PLPPR5: variants seen among roughly 807,000 people sequenced by gnomAD.
PLPPR5 encodes phospholipid phosphatase related 5, also known as phospholipid phosphatase-related protein type 5.
In PLPPR5, 16 loss-of-function variants were observed where a neutral mutation model predicts 33.9. That is an observed-to-expected ratio of 0.47 (90% confidence interval 0.32 to 0.72). The LOEUF is 0.72. Among genes scored for constraint, PLPPR5 ranks in the 30% least tolerant of loss-of-function variants. PLPPR5 has a pLI of 0.03. For missense variants in PLPPR5, 301 were observed against 406.7 expected, an observed-to-expected ratio of 0.74 and a Z score of 2.23; for synonymous variants, 163 against 150.3, an observed-to-expected ratio of 1.08 and a Z score of -0.62.
At chr1:99,000,323 CAT>C (rs1652786398) in intron 1 of PLPPR5, among the ~76,000 whole-genome samples, 2 of 152,304 alleles carry the variant, frequency 1.3e-5, no homozygotes, top group Admixed American at 1.3e-4. Context: ...ACTTTGATAA[CAT>C]TAGAGTACTA....
At chr1:98,918,800 T>C (rs1233603052) in intron 4 of PLPPR5, among the ~76,000 whole-genome samples, 1 of 152,222 alleles carries the variant, frequency 6.6e-6, no homozygotes, top group African/African-American at 2.4e-5. Context: ...GTGATTTCAC[T>C]TAATCCTTAA....
At chr1:98,913,688 C>A (rs1035317564) in intron 5 of PLPPR5, among the ~76,000 whole-genome samples, 9 of 152,160 alleles carry the variant, frequency 5.9e-5, no homozygotes, top group Non-Finnish European at 8.8e-5. Flanking sequence ...CAGATTTACA[C>A]AATCAGAACA....
intron 3 of PLPPR5, among the ~76,000 whole-genome samples, chr1:98,944,829 T>C (rs12122268): frequency 0.21 from 32,512 of 151,982 alleles, 3,712 homozygotes; most frequent in Middle Eastern, 0.24. Flanking sequence ...TGGGAAAACA[T>C]AGAGTCTGGA....
chr1:98,987,730 ATG>A (rs1195017558), intron 1 of PLPPR5, among the ~76,000 whole-genome samples: 2 of 151,984 alleles, frequency 1.3e-5, no homozygotes, highest in African/African-American at 4.8e-5. Context: ...CAGTGGGTTC[ATG>A]AAACTGTTAA....
intron 3 of PLPPR5, among the ~76,000 whole-genome samples, chr1:98,943,648 T>C (rs1650457127): frequency 6.6e-6 from 1 of 152,200 alleles, no homozygotes; most frequent in Admixed American, 6.5e-5. Context: ...GGGAATTTAA[T>C]TGAAATATTC....
At chr1:98,986,889 T>C (rs945820909) in intron 1 of PLPPR5, among the ~76,000 whole-genome samples, 1 of 151,814 alleles carries the variant, frequency 6.6e-6, no homozygotes, top group Non-Finnish European at 1.5e-5. Flanking sequence ...GTAATTGGCC[T>C]AGGAAACAGG....
intron 1 of PLPPR5, among the ~76,000 whole-genome samples, chr1:98,988,780 T>A (rs1652348414): frequency 6.6e-6 from 1 of 152,144 alleles, no homozygotes; most frequent in African/African-American, 2.4e-5. Flanking sequence ...AAGTTTTCCT[T>A]GCTTATGCCT....
rs531314870 is a variant in PLPPR5, at chr1:98,925,343, G to A, written c.622-3285C>T. Among the ~76,000 whole-genome samples the A allele has an allele frequency of 9.9e-5, 15 of 152,192 alleles. No individual in the cohort carries two copies. The South Asian group carries it at 1.5e-3, about 15-fold the overall frequency. ...AGGGTCAGTAGATGCTCACTATCTC[G>A]CAGGCCAATCCATTTAATCATTATT... On this transcript the variant is annotated intron_variant, in intron 3 of 5. Coordinates refer to ENST00000263177, the MANE Select transcript of PLPPR5 (RefSeq NM_001037317.2).
intron 1 of PLPPR5, among the ~76,000 whole-genome samples, chr1:98,989,613 T>C (rs1557695210): frequency 1.3e-5 from 2 of 152,238 alleles, no homozygotes; most frequent in African/African-American, 2.4e-5. Context: ...GGAACCAAAC[T>C]AAATGTAATC....
intron 1 of PLPPR5, among the ~76,000 whole-genome samples, chr1:98,989,703 T>G (rs920608043): frequency 1.3e-5 from 2 of 152,062 alleles, no homozygotes; most frequent in Non-Finnish European, 2.9e-5. Context: ...TAAGAGACAA[T>G]AGCCAAAACC....
chr1:99,000,020 A>G (rs1484377081), intron 1 of PLPPR5, among the ~76,000 whole-genome samples: 1 of 152,184 alleles, frequency 6.6e-6, no homozygotes, highest in Non-Finnish European at 1.5e-5. Flanking sequence ...AAGGAACAAT[A>G]GCTGCTAGCG....
intron 1 of PLPPR5, among the ~76,000 whole-genome samples, chr1:98,971,560 T>C (rs372687605): frequency 3.3e-5 from 5 of 152,070 alleles, no homozygotes; most frequent in East Asian, 1.9e-4. Context: ...ATCTATCCTA[T>C]CCAGCCCCTT....
chr1:98,952,264 GAAAA>G (rs34394491), intron 3 of PLPPR5, among the ~76,000 whole-genome samples: 5 of 70,610 alleles, frequency 7.1e-5, no homozygotes, highest in Admixed American at 6.1e-4. Flanking sequence ...CTCCGTCTCA[GAAAA>G]AAAAAAAAAA....
chr1:98,943,790 A>G (rs1003569756), intron 3 of PLPPR5, among the ~76,000 whole-genome samples: 1 of 152,214 alleles, frequency 6.6e-6, no homozygotes, highest in East Asian at 1.9e-4. Context: ...AATTCACAAG[A>G]CTGTTCAGAT....
chr1:98,938,795 G>A (rs541933315), intron 3 of PLPPR5, among the ~76,000 whole-genome samples: 13 of 152,212 alleles, frequency 8.5e-5, no homozygotes, highest in Admixed American at 5.9e-4. Context: ...CTATGCAGCT[G>A]TAAAAATAAA....
At chr1:98,903,964 G>C (rs1269798001) in intron 5 of PLPPR5, among the ~76,000 whole-genome samples, 3 of 152,116 alleles carry the variant, frequency 2.0e-5, no homozygotes, top group African/African-American at 7.2e-5. Flanking sequence ...TCAATGTAAA[G>C]TTCAATTCCT....
Position 98,952,521 on chromosome 1 carries a change from A to C in PLPPR5, c.621+549T>G, listed in dbSNP as rs548209120. Among the ~76,000 whole-genome samples the C allele has an allele frequency of 8.5e-5, 13 of 152,314 alleles. No homozygotes were observed. The East Asian group carries it at 2.5e-3, about 29-fold the overall frequency. ...CCTGGGGGCCTGGCTCTTGCCACTA[A>C]GATGGTGGCCAATACTCTCAAGACT... is the stretch of plus-strand genomic sequence containing the variant. On this transcript the variant is annotated intron_variant, in intron 3 of 5. Coordinates refer to ENST00000263177, the MANE Select transcript of PLPPR5 (RefSeq NM_001037317.2).
intron 1 of PLPPR5, among the ~76,000 whole-genome samples, chr1:98,981,758 G>A (rs1652070786): frequency 6.6e-6 from 1 of 151,980 alleles, no homozygotes; most frequent in Non-Finnish European, 1.5e-5. Context: ...TTGCTAATAG[G>A]CCATTTCATT....
intron 4 of PLPPR5, among the ~76,000 whole-genome samples, chr1:98,918,984 T>C (rs1030967441): frequency 1.2e-4 from 19 of 152,146 alleles, no homozygotes; most frequent in African/African-American, 4.1e-4. Flanking sequence ...TCTAGTGGGA[T>C]TGATAGCAAA....
Sources: allele counts gnomAD v4.1 joint callset (sites outside exome capture counted in the v4.1 genomes callset), GRCh38; gene constraint gnomAD v4.1.1; transcripts MANE v1.5; gene names NCBI Gene and HGNC (gene_info 2026-07-23, HGNC 2026-07-21).